The following SH3TC2 variants were observed in gnomAD, a reference collection of about 807,000 sequenced individuals.
SH3TC2 encodes SH3 domain and tetratricopeptide repeat-containing protein 2.
A neutral mutation model predicts 124.5 loss-of-function variants in SH3TC2; 87 were observed. The observed-to-expected ratio is 0.70, with a 90% CI of 0.59 to 0.84. The LOEUF (loss-of-function observed/expected upper bound fraction) is 0.84, where lower values mean the gene tolerates loss of function less well. Ranked by LOEUF, SH3TC2 falls within the 40% of genes least tolerant of loss-of-function variation. SH3TC2 has a pLI of 0.00. For missense variants in SH3TC2, 1,536 were observed against 1,566.4 expected, an observed-to-expected ratio of 0.98 and a Z score of 0.33; for synonymous variants, 634 against 628.5, an observed-to-expected ratio of 1.01 and a Z score of -0.13.
chr5:149,033,872 A>T (rs1754239299), intron 8 of SH3TC2, among the ~76,000 whole-genome samples: 1 of 152,232 alleles, frequency 6.6e-6, no homozygotes, highest in Non-Finnish European at 1.5e-5. Flanking sequence ...CAGGAGAAGC[A>T]AATGCAAAAC....
At chr5:149,059,063 A>C (rs1754701212) in intron 1 of SH3TC2, among the ~76,000 whole-genome samples, 1 of 152,184 alleles carries the variant, frequency 6.6e-6, no homozygotes, top group Non-Finnish European at 1.5e-5. Flanking sequence ...AAGAGAAGGC[A>C]TCTTGACATA....
At chr5:149,045,988 T>C (rs1336011803) in intron 3 of SH3TC2, 3 of 425,172 alleles carry the variant, frequency 7.1e-6, no homozygotes, top group Non-Finnish European at 1.4e-5. Flanking sequence ...TCTGAATCAC[T>C]GCCCAGACTT....
At position 149,001,503 on chromosome 5, in the gene SH3TC2, A is replaced by G. The variant is rs1449963766; in HGVS notation, c.*3208T>C. On this transcript the variant is annotated 3_prime_UTR_variant, in exon 17 of 17. Coordinates refer to ENST00000515425, the MANE Select transcript of SH3TC2 (RefSeq NM_024577.4). The stretch of plus-strand genomic sequence containing the variant: ...TTTTTAAATGTTTAAGTAGAGACCA[A>G]ATCCAATCACCACTTTACTCTCTGT... 6.6e-6 allele frequency: 1 copy of G among 152,224 alleles called. No homozygotes were observed. Among genetic ancestry groups the G allele is most frequent in the East Asian group, 1.9e-4 (1 of 5,198 alleles). The allele number at this position is 152,224 out of a possible 1,614,324, so 9.4% of individuals were successfully genotyped here. A position where few individuals can be genotyped will look rare whatever the true frequency, so the allele number is the denominator to read the frequency against.
rs748202204 is a variant in SH3TC2, at chr5:148,997,420, C to A, written c.*7291G>T. ...CCTTCTATTTTCCATTTGGGAAATG[C>A]AGTCTCTCTTTTTTTCTAGGCTAAG... is the stretch of plus-strand genomic sequence containing the variant. On this transcript the variant is annotated 3_prime_UTR_variant, in exon 17 of 17. Coordinates refer to ENST00000515425, the MANE Select transcript of SH3TC2 (RefSeq NM_024577.4). 1.3e-5 allele frequency among the ~76,000 whole-genome samples: 2 copies of A among 152,198 alleles called. No homozygotes were observed. Among genetic ancestry groups the A allele is most frequent in the East Asian group, 3.8e-4 (2 of 5,198 alleles).
chr5:149,030,013 T>C (rs1278635476), intron 9 of SH3TC2, among the ~76,000 whole-genome samples: 1 of 152,166 alleles, frequency 6.6e-6, no homozygotes, highest in Non-Finnish European at 1.5e-5. Context: ...GAGATTGTCA[T>C]TGCAGAACCT....
intron 8 of SH3TC2, among the ~76,000 whole-genome samples, 160 bp downstream of exon 8, chr5:149,038,135 T>G (rs1056037119): frequency 2.0e-5 from 3 of 152,208 alleles, no homozygotes; most frequent in African/African-American, 7.2e-5. Context: ...CATTCTCTCC[T>G]TTCTATCACT....
chr5:149,010,827 T>C (rs548604905), intron 13 of SH3TC2, among the ~76,000 whole-genome samples: 3 of 152,340 alleles, frequency 2.0e-5, no homozygotes, highest in African/African-American at 7.2e-5. Context: ...TACATGTATA[T>C]AGCAAAACTA....
In SH3TC2 at chr5:149,003,457, A is replaced by G. The variant is rs752672326; in HGVS notation, c.*1254T>C. On this transcript the variant is annotated 3_prime_UTR_variant, in exon 17 of 17. Coordinates refer to ENST00000515425, the MANE Select transcript of SH3TC2 (RefSeq NM_024577.4). ...AACAGCTAGCAAAAAACTGACTCCT[A>G]ACAACAGCTGTGTGGGTGAGCTTGG... The G allele has an allele frequency of 3.1e-4, 48 of 157,046 alleles. No individual in the cohort carries two copies. The highest frequency in any genetic ancestry group is 6.4e-3 in the Middle Eastern group (2 of 312). The allele number at this position is 157,046 out of a possible 1,614,324, so 9.7% of individuals were successfully genotyped here.
At position 149,063,055 on chromosome 5, in the gene SH3TC2, G is replaced by T; in HGVS notation, c.-33C>A. 1 of 1,578,012 alleles carries T rather than the reference G, an allele frequency of 6.3e-7. No homozygotes were observed. The highest frequency in any genetic ancestry group is 2.3e-5 in the East Asian group (1 of 43,104). On this transcript the variant is annotated 5_prime_UTR_variant, in exon 1 of 17. Coordinates refer to ENST00000515425, the MANE Select transcript of SH3TC2 (RefSeq NM_024577.4). ...CCATCCTACCCTGGCCGAGGCCCTT[G>T]GGAACACAGGCCAGAAGAGTGCTGC... is the stretch of plus-strand genomic sequence containing the variant.
chr5:149,000,422 A>C lies in SH3TC2; in HGVS notation c.*4289T>G, dbSNP rs1214721335. ...ATAAGGCCTAGGCTGGGTGCTTGCA[A>C]TGAGCAACAGGACCTAGCTTGAAGT... On this transcript the variant is annotated 3_prime_UTR_variant, in exon 17 of 17. Coordinates refer to ENST00000515425, the MANE Select transcript of SH3TC2 (RefSeq NM_024577.4). 6.6e-6 allele frequency among the ~76,000 whole-genome samples: 1 copy of C among 152,210 alleles called. No homozygotes were observed. The highest frequency in any genetic ancestry group is 1.9e-4 in the East Asian group (1 of 5,192).
At chr5:149,018,902 T>C (rs1301820758) in intron 12 of SH3TC2, among the ~76,000 whole-genome samples, 1 of 152,178 alleles carries the variant, frequency 6.6e-6, no homozygotes, top group Non-Finnish European at 1.5e-5. Flanking sequence ...CCCTGACAGA[T>C]CACCCCCATC....
At position 149,027,836 on chromosome 5, in the gene SH3TC2, C is replaced by T; in HGVS notation, c.1896G>A (p.Glu632=). 6.2e-7 allele frequency: 1 copy of T among 1,613,868 alleles called. No homozygotes were observed. The highest frequency in any genetic ancestry group is 1.7e-5 in the Admixed American group (1 of 60,022). Residue 632 remains glutamate (E), a synonymous_variant, in exon 11 of 17, where the codon GAG becomes GAA. Coordinates refer to ENST00000515425, the MANE Select transcript of SH3TC2 (RefSeq NM_024577.4). ...QGIVVGSSPL[E]ARACFLAIRL... ...GGATGGCCAGAAAGCAGGCCCTGGC[C>T]TCCAGCGGGCTGCTGCCCACCACAA... is the stretch of plus-strand genomic sequence containing the variant.
chr5:149,015,693 C>A (rs1429102469), intron 12 of SH3TC2, among the ~76,000 whole-genome samples: 1 of 152,202 alleles, frequency 6.6e-6, no homozygotes, highest in Non-Finnish European at 1.5e-5. Flanking sequence ...CCCCAATACA[C>A]CTGCATTTCC....
chr5:149,020,771 A>C (rs567513607), intron 12 of SH3TC2, among the ~76,000 whole-genome samples: 1 of 152,326 alleles, frequency 6.6e-6, no homozygotes, highest in South Asian at 2.1e-4. Context: ...ATAAATATAT[A>C]TGCAGCACCT....
chr5:149,043,178 G>T (rs543745291), intron 4 of SH3TC2, among the ~76,000 whole-genome samples: 4 of 152,240 alleles, frequency 2.6e-5, no homozygotes, highest in Middle Eastern at 3.4e-3. Context: ...TGACTATGGG[G>T]GTTCCTAGTG....
At position 148,999,216 on chromosome 5, in the gene SH3TC2, A is replaced by G. The variant is rs140301448; in HGVS notation, c.*5495T>C. On this transcript the variant is annotated 3_prime_UTR_variant, in exon 17 of 17. Transcript: ENST00000515425. The stretch of plus-strand genomic sequence containing the variant: ...ATGCAGGACCAGGGTGCCTGGCCAC[A>G]CCTCCAGGTTTGGCTGCACTTCTCA... 6.6e-6 allele frequency among the ~76,000 whole-genome samples: 1 copy of G among 152,326 alleles called. No individual in the cohort carries two copies. Among genetic ancestry groups the G allele is most frequent in the Admixed American group, 6.5e-5 (1 of 15,302 alleles).
chr5:149,014,335 TA>T (rs2127393775), intron 12 of SH3TC2, among the ~76,000 whole-genome samples: 1 of 152,316 alleles, frequency 6.6e-6, no homozygotes, highest in African/African-American at 2.4e-5. Context: ...ACCACTGCAG[TA>T]AACCATGCAA....
chr5:149,059,241 G>A (rs576032360), intron 1 of SH3TC2, among the ~76,000 whole-genome samples: 6 of 152,198 alleles, frequency 3.9e-5, no homozygotes, highest in South Asian at 4.2e-4. Flanking sequence ...TAACAAAAGC[G>A]CCAGAGGCCA....
chr5:149,017,963 C>A (rs1753903146), intron 12 of SH3TC2, among the ~76,000 whole-genome samples: 1 of 152,184 alleles, frequency 6.6e-6, no homozygotes, highest in Non-Finnish European at 1.5e-5. Flanking sequence ...TTTCATACTA[C>A]AACTGCAGAG....
Sources: gnomAD v4.1 joint callset for allele counts (sites outside exome capture counted in the v4.1 genomes callset) on GRCh38, gnomAD v4.1.1 for gene constraint, MANE v1.5 for transcripts, NCBI Gene and HGNC (gene_info 2026-07-23, HGNC 2026-07-21) for gene names.